Variants in SLC5A11 observed in about 807,000 individuals in gnomAD.
SLC5A11 encodes the protein sodium/myo-inositol cotransporter 2.
SLC5A11 carries 48 observed loss-of-function variants against 69.8 expected under a neutral mutation model. That is an observed-to-expected ratio of 0.69 (90% CI 0.55 to 0.87). The LOEUF (loss-of-function observed/expected upper bound fraction) is 0.87, where lower values mean the gene tolerates loss of function less well. SLC5A11 is among the 40% of genes least tolerant of loss of function. The pLI is 0.00. For synonymous variants in SLC5A11, 319 were observed against 342.4 expected (o/e 0.93, Z 0.75); for missense variants, 784 against 866.1 (o/e 0.91, Z 1.19).
intron 9 of SLC5A11, among the ~76,000 whole-genome samples, chr16:24,895,327 A>G (rs1268356455): frequency 6.6e-6 from 1 of 151,420 alleles, no homozygotes; most frequent in Non-Finnish European, 1.5e-5. Flanking sequence ...CATCTCTACT[A>G]AAAATACAAA....
At chr16:24,863,405 GTTGTTT>G (rs2046725132) in intron 3 of SLC5A11, among the ~76,000 whole-genome samples, 1 of 151,968 alleles carries the variant, frequency 6.6e-6, no homozygotes. Flanking sequence ...TTTTCTTGCT[GTTGTTT>G]TTGTTTTTGT....
intron 14 of SLC5A11, 95 bp downstream of exon 15, chr16:24,909,191 C>A: frequency 7.5e-7 from 1 of 1,338,778 alleles, no homozygotes; most frequent in Non-Finnish European, 1.0e-6. Flanking sequence ...GACTGATTGT[C>A]CAAAAAGCTG....
rs1006219415 is a variant in SLC5A11 at position 24,891,977 on chromosome 16, G to T, written c.870+903G>T. ...GTGACAGGTGGCTCACACACTTTAGGATGCTGAGGCAGGAGGCTCACTTGA... is the reference window on the plus strand; with the variant it reads ...GTGACAGGTGGCTCACACACTTTAGTATGCTGAGGCAGGAGGCTCACTTGA... On this transcript the variant is annotated intron_variant, in intron 9 of 15. Transcript: ENST00000347898. Among the ~76,000 whole-genome samples, 6 of 150,192 alleles carry T rather than the reference G, an allele frequency of 4.0e-5. No homozygotes were observed. In the South Asian group the frequency reaches 6.3e-4, roughly 16 times the overall value.
At chr16:24,868,207 C>T (rs1426900102) in intron 3 of SLC5A11, among the ~76,000 whole-genome samples, 1 of 150,508 alleles carries the variant, frequency 6.6e-6, no homozygotes, top group Admixed American at 6.6e-5. Context: ...AGACCAAGCA[C>T]CAAGGATCAA....
chr16:24,871,369 C>T (rs1045312008), intron 4 of SLC5A11, among the ~76,000 whole-genome samples: 3 of 152,276 alleles, frequency 2.0e-5, no homozygotes, highest in African/African-American at 7.2e-5. Context: ...CTCTCAGGCT[C>T]AAACCATCCT....
At chr16:24,906,811 A>G in intron 11 of SLC5A11, 47 bp downstream of exon 12, 4 of 1,536,756 alleles carry the variant, frequency 2.6e-6, no homozygotes, top group Non-Finnish European at 3.6e-6. Flanking sequence ...GCACCCAGAA[A>G]GGAGATCACC....
intron 14 of SLC5A11, among the ~76,000 whole-genome samples, chr16:24,910,080 A>T (rs190386949): frequency 1.7e-4 from 24 of 143,724 alleles, no homozygotes; most frequent in African/African-American, 5.7e-4. Context: ...CAACAGGAGG[A>T]TGGGGTTTAT....
At chr16:24,907,052 T>C (rs755261535) in exon 12 of SLC5A11, 2 of 1,614,104 alleles carry the variant, frequency 1.2e-6, no homozygotes, top group South Asian at 1.1e-5. Context: ...ATGGCTGTGA[T>C]GGTGGCGGCT....
At chr16:24,897,644 C>T (rs917613550) in intron 9 of SLC5A11, among the ~76,000 whole-genome samples, 9 of 152,162 alleles carry the variant, frequency 5.9e-5, no homozygotes, top group African/African-American at 1.9e-4. Flanking sequence ...TGAATGGACT[C>T]ACAGTTCCAC....
chr16:24,884,117 C>A, exon 8 of SLC5A11: 1 of 1,614,104 alleles, frequency 6.2e-7, no homozygotes, highest in Non-Finnish European at 8.5e-7. Flanking sequence ...GGAGCGCTCA[C>A]CTTGATGGGC....
chr16:24,851,953 A>G (rs999717265), intron 1 of SLC5A11, among the ~76,000 whole-genome samples: 2 of 151,368 alleles, frequency 1.3e-5, no homozygotes, highest in African/African-American at 2.4e-5. Context: ...CATTCAGAGC[A>G]GGGAACTTCC....
At chr16:24,909,291 G>C (rs1038824848) in intron 14 of SLC5A11, among the ~76,000 whole-genome samples, 195 bp downstream of exon 15, 7 of 152,194 alleles carry the variant, frequency 4.6e-5, no homozygotes, top group African/African-American at 1.7e-4. Context: ...TCAATTCTTA[G>C]GTCCCATATG....
intron 1 of SLC5A11, among the ~76,000 whole-genome samples, chr16:24,854,681 C>T (rs1437538780): frequency 1.3e-5 from 2 of 152,222 alleles, no homozygotes; most frequent in African/African-American, 4.8e-5. Context: ...ATCCTCCTGC[C>T]TTGGCCTCCC....
At chr16:24,894,750 G>A (rs12926611) in intron 9 of SLC5A11, among the ~76,000 whole-genome samples, 31,312 of 150,928 alleles carry the variant, frequency 0.21, 3,776 homozygotes, top group South Asian at 0.42. Flanking sequence ...CAGTGAACCC[G>A]GATCGCGCCA....
intron 10 of SLC5A11, among the ~76,000 whole-genome samples, chr16:24,901,271 G>A (rs2049569817): frequency 6.6e-6 from 1 of 152,100 alleles, no homozygotes; most frequent in African/African-American, 2.4e-5. Context: ...TTATATGGTA[G>A]GTACTATTAT....
chr16:24,847,509 CCTG>C (rs1379281296), intron 1 of SLC5A11, among the ~76,000 whole-genome samples: 1 of 151,902 alleles, frequency 6.6e-6, no homozygotes, highest in Non-Finnish European at 1.5e-5. Flanking sequence ...ACCAGCATGC[CCTG>C]CTAACTTTTT....
chr16:24,860,155 C>T lies in SLC5A11; in HGVS notation c.135+1377C>T, dbSNP rs541166298. On this transcript the variant is annotated intron_variant, in intron 2 of 15. Transcript: ENST00000347898. Reference sequence around the variant, plus strand: ...ACAAAAAATTAGCCAGGTGTGGTGGCGGGTGCCTATAGTCCCAGCTACTTG... The same window carrying T: ...ACAAAAAATTAGCCAGGTGTGGTGGTGGGTGCCTATAGTCCCAGCTACTTG... Among the ~76,000 whole-genome samples, 47 of 152,154 alleles carry T rather than the reference C, an allele frequency of 3.1e-4. 1 individual carries two copies. In the East Asian group the frequency reaches 8.1e-3, roughly 26 times the overall value.
chr16:24,852,712 G>C (rs886699156), intron 1 of SLC5A11, among the ~76,000 whole-genome samples: 3 of 152,180 alleles, frequency 2.0e-5, no homozygotes, highest in African/African-American at 7.2e-5. Flanking sequence ...CCCAGAGGAC[G>C]GGGCCAAGTC....
At chr16:24,893,391 C>T (rs561075874) in intron 9 of SLC5A11, among the ~76,000 whole-genome samples, 9 of 151,602 alleles carry the variant, frequency 5.9e-5, no homozygotes, top group Admixed American at 2.0e-4. Context: ...ACAAACAAAA[C>T]GAAACAAAAA....
Sources: gnomAD v4.1 joint callset for allele counts (sites outside exome capture counted in the v4.1 genomes callset) on GRCh38, gnomAD v4.1.1 for gene constraint, MANE v1.5 for transcripts, NCBI Gene and HGNC (gene_info 2026-07-23, HGNC 2026-07-21) for gene names.